MAML3: variants seen among roughly 807,000 people sequenced by gnomAD.
The protein encoded by MAML3 is mastermind like transcriptional coactivator 3, also known as mastermind-like protein 3.
Under a neutral mutation model 101.9 loss-of-function variants are expected in MAML3, and 27 were observed. The ratio of observed to expected loss-of-function variants is 0.27; its 90% CI spans 0.20 to 0.37. MAML3 has a LOEUF of 0.37. MAML3 is among the 10% of genes least tolerant of loss of function. The probability of loss-of-function intolerance (pLI) is 1.00; values close to 1 mark genes in which losing one functional copy is unlikely to be tolerated. For missense variants in MAML3, 1,316 were observed against 1,444.9 expected, an observed-to-expected ratio of 0.91 and a Z score of 1.45; for synonymous variants, 501 against 555.9, an observed-to-expected ratio of 0.90 and a Z score of 1.39.
intron 1 of MAML3, among the ~76,000 whole-genome samples, chr4:140,080,366 A>T (rs1396041810): frequency 6.6e-6 from 1 of 152,212 alleles, no homozygotes; most frequent in Non-Finnish European, 1.5e-5. Flanking sequence ...TACTCAAAGC[A>T]TGGTGTCTGG....
At chr4:139,814,025 A>ACACAC (rs1730851144) in intron 2 of MAML3, among the ~76,000 whole-genome samples, 7 of 145,138 alleles carry the variant, frequency 4.8e-5, no homozygotes, top group African/African-American at 1.8e-4. Context: ...CACAAACACA[A>ACACAC]ACACACACAC....
intron 1 of MAML3, among the ~76,000 whole-genome samples, chr4:140,042,501 G>A (rs1008104755): frequency 8.5e-5 from 13 of 152,106 alleles, no homozygotes; most frequent in Admixed American, 2.6e-4. Context: ...GGGTGTGGTG[G>A]CAGGCACCTG....
At chr4:140,039,498 AC>A (rs763083437) in intron 1 of MAML3, among the ~76,000 whole-genome samples, 45 of 152,140 alleles carry the variant, frequency 3.0e-4, no homozygotes, top group Non-Finnish European at 4.4e-5. Flanking sequence ...TCTCTGAATC[AC>A]CAGGCCCCTA....
intron 2 of MAML3, chr4:139,731,499 T>C (rs1400179605): frequency 2.9e-5 from 4 of 137,274 alleles, no homozygotes; most frequent in African/African-American, 1.1e-4. Context: ...GCACCTGTAA[T>C]CCCAGCTACT....
intron 1 of MAML3, among the ~76,000 whole-genome samples, chr4:140,085,071 A>G (rs762245765): frequency 1.3e-5 from 2 of 152,174 alleles, no homozygotes; most frequent in East Asian, 1.9e-4. Context: ...GCATCCCAGT[A>G]TCTGCCCCCA....
In MAML3 at chr4:139,728,076, G is replaced by A. The variant is rs868840524; in HGVS notation, c.2332-2241C>T. Among the ~76,000 whole-genome samples, 5 of 152,130 alleles carry A rather than the reference G, an allele frequency of 3.3e-5. No individual in the cohort carries two copies. In the South Asian group the frequency reaches 8.3e-4, roughly 25 times the overall value. On this transcript the variant is annotated intron_variant, in intron 3 of 4. Transcript: ENST00000509479. ...ACTAAAATACAAAAATTAGCCAGGC[G>A]TGATGGTGTTTGCCTGTGGTCCCAG...
At chr4:139,769,191 C>T (rs762056506) in intron 2 of MAML3, among the ~76,000 whole-genome samples, 1 of 152,346 alleles carries the variant, frequency 6.6e-6, no homozygotes, top group Non-Finnish European at 1.5e-5. Context: ...GTGACTCAGC[C>T]TGGAGCTGGG....
At chr4:140,129,148 T>G (rs1184318126) in intron 1 of MAML3, among the ~76,000 whole-genome samples, 1 of 152,168 alleles carries the variant, frequency 6.6e-6, no homozygotes, top group Admixed American at 6.5e-5. Context: ...AGAAGGTCAT[T>G]GTGAAAACTG....
intron 1 of MAML3, among the ~76,000 whole-genome samples, chr4:140,118,163 T>G (rs970511895): frequency 6.6e-6 from 1 of 151,364 alleles, no homozygotes; most frequent in African/African-American, 2.4e-5. Flanking sequence ...TTTGTGGGTT[T>G]GTTTTTTTTT....
At chr4:139,988,209 C>T (rs1734587103) in intron 1 of MAML3, among the ~76,000 whole-genome samples, 2 of 151,084 alleles carry the variant, frequency 1.3e-5, no homozygotes, top group South Asian at 4.2e-4. Flanking sequence ...TGACTGTAAT[C>T]CCAGCTACTC....
chr4:140,145,871 C>CTTTTTTT (rs1320602930), intron 1 of MAML3, among the ~76,000 whole-genome samples: 5 of 32,666 alleles, frequency 1.5e-4, no homozygotes, highest in East Asian at 6.6e-4. Flanking sequence ...CCTTTTTTTT[C>CTTTTTTT]TTTTTTCTTT....
intron 1 of MAML3, among the ~76,000 whole-genome samples, chr4:139,933,469 C>T (rs1007235208): frequency 3.3e-5 from 5 of 152,166 alleles, no homozygotes; most frequent in East Asian, 1.9e-4. Flanking sequence ...ACATCCAACA[C>T]GTAATGCATT....
intron 2 of MAML3, among the ~76,000 whole-genome samples, chr4:139,769,571 C>T (rs138856289): frequency 2.0e-5 from 3 of 151,870 alleles, no homozygotes; most frequent in African/African-American, 4.8e-5. Flanking sequence ...ACTTATGAAC[C>T]GGCAATAAAA....
chr4:140,047,837 G>A (rs1340540605), intron 1 of MAML3, among the ~76,000 whole-genome samples: 1 of 151,796 alleles, frequency 6.6e-6, no homozygotes, highest in Admixed American at 6.6e-5. Context: ...AGTGAAGTTT[G>A]AAGACTGTCT....
chr4:140,012,064 C>G (rs907690854), intron 1 of MAML3, among the ~76,000 whole-genome samples: 1 of 151,236 alleles, frequency 6.6e-6, no homozygotes, highest in Non-Finnish European at 1.5e-5. Context: ...TATGTAATGC[C>G]TCTTCAATCA....
chr4:139,774,974 T>C (rs1043087272), intron 2 of MAML3, among the ~76,000 whole-genome samples: 1 of 152,132 alleles, frequency 6.6e-6, no homozygotes, highest in African/African-American at 2.4e-5. Flanking sequence ...CCAAACTCTC[T>C]CCGGGGAAAG....
At chr4:140,026,800 C>G (rs903906370) in intron 1 of MAML3, among the ~76,000 whole-genome samples, 1 of 152,076 alleles carries the variant, frequency 6.6e-6, no homozygotes, top group Admixed American at 6.5e-5. Flanking sequence ...TGTTCTAATT[C>G]CGCATAAACA....
intron 2 of MAML3, among the ~76,000 whole-genome samples, chr4:139,847,368 G>T (rs1731468756): frequency 6.6e-6 from 1 of 152,162 alleles, no homozygotes; most frequent in Non-Finnish European, 1.5e-5. Flanking sequence ...TAAAAATATT[G>T]TTCAAGGAGT....
intron 2 of MAML3, among the ~76,000 whole-genome samples, chr4:139,772,793 T>C (rs1160560696): frequency 1.3e-5 from 2 of 150,920 alleles, no homozygotes; most frequent in African/African-American, 2.4e-5. Context: ...AGGAATACCA[T>C]AGGAAAGAAT....
Sources: gnomAD v4.1 joint callset for allele counts (sites outside exome capture counted in the v4.1 genomes callset) on GRCh38, gnomAD v4.1.1 for gene constraint, MANE v1.5 for transcripts, NCBI Gene and HGNC (gene_info 2026-07-23, HGNC 2026-07-21) for gene names.